The following REV3L variants were observed in gnomAD, a reference collection of about 807,000 sequenced individuals.
REV3L encodes the protein REV3 like, DNA directed polymerase zeta catalytic subunit.
REV3L carries 69 observed loss-of-function variants against 299.4 expected under a neutral mutation model. That is an observed-to-expected ratio of 0.23 (90% CI 0.19 to 0.28). The LOEUF (loss-of-function observed/expected upper bound fraction) is 0.28, where lower values mean the gene tolerates loss of function less well. REV3L is among the 10% of genes least tolerant of loss of function. The pLI is 1.00. For missense variants in REV3L, 3,128 were observed against 3,693.8 expected (o/e 0.85, Z 3.97); for synonymous variants, 1,238 against 1,271.4 (o/e 0.97, Z 0.56).
intron 1 of REV3L, among the ~76,000 whole-genome samples, chr6:111,426,513 G>C (rs1326407493): frequency 6.6e-6 from 1 of 152,100 alleles, no homozygotes; most frequent in East Asian, 1.9e-4. Flanking sequence ...CTTTGGTGAT[G>C]ACCCTGAGCA....
At chr6:111,474,988 T>TACACACAC (rs36213449) in intron 1 of REV3L, among the ~76,000 whole-genome samples, 122 of 145,936 alleles carry the variant, frequency 8.4e-4, no homozygotes, top group African/African-American at 1.6e-3. Context: ...TGCCTATATA[T>TACACACAC]ACACACACAC....
intron 1 of REV3L, among the ~76,000 whole-genome samples, chr6:111,422,235 G>A (rs1306842654): frequency 2.6e-5 from 4 of 152,062 alleles, no homozygotes; most frequent in Non-Finnish European, 5.9e-5. Flanking sequence ...TGGCTCTGTA[G>A]CAAATCCTGC....
intron 1 of REV3L, among the ~76,000 whole-genome samples, chr6:111,419,938 G>A (rs1253731470): frequency 1.3e-5 from 2 of 151,750 alleles, no homozygotes; most frequent in South Asian, 2.1e-4. Flanking sequence ...TCCACCTCCC[G>A]GGCTCACGCC....
At chr6:111,471,403 T>A (rs576051494) in intron 1 of REV3L, among the ~76,000 whole-genome samples, 1 of 152,188 alleles carries the variant, frequency 6.6e-6, no homozygotes, top group Non-Finnish European at 1.5e-5. Flanking sequence ...ATGTAAAAAA[T>A]CTCATACCAC....
At chr6:111,483,629 G>A, upstream of REV3L, 1 of 438,918 alleles carries the variant, frequency 2.3e-6, no homozygotes, top group South Asian at 1.6e-5. Flanking sequence ...ATCCAGCAGA[G>A]GAGGCGGGGG....
chr6:111,300,157 C>G lies in REV3L; in HGVS notation c.9253-1G>C, dbSNP rs1771318429. The G allele has an allele frequency of 6.4e-7, 1 of 1,568,474 alleles. No homozygotes were observed. The highest frequency in any genetic ancestry group is 8.6e-7 in the Non-Finnish European group (1 of 1,162,386). ...AGCAACCTGTACAGTTCTTGCATAT[C>G]TGAAAGCATAAGAGAAATACAAAAA... On this transcript the variant is annotated splice_acceptor_variant, in intron 31 of 31. Transcript: ENST00000368802. LOFTEE classifies it high-confidence loss of function.
At chr6:111,413,723 G>C (rs998893097) in intron 2 of REV3L, among the ~76,000 whole-genome samples, 1 of 151,918 alleles carries the variant, frequency 6.6e-6, no homozygotes, top group African/African-American at 2.4e-5. Context: ...AAAGAAAACT[G>C]CAATGAAAAA....
chr6:111,453,854 C>T (rs1431530157), intron 1 of REV3L, among the ~76,000 whole-genome samples: 2 of 152,078 alleles, frequency 1.3e-5, no homozygotes, highest in African/African-American at 4.8e-5. Flanking sequence ...GGCGTGGTGG[C>T]GCATGCCTGT....
chr6:111,482,826 A>G lies in REV3L; in HGVS notation c.63T>C (p.Asp21=). The change falls in exon 1 of 32, where the codon GAT becomes GAC. Residue 21 remains aspartate, a synonymous_variant. Transcript: ENST00000368802. ...CCTGGGTGAGGGGGGATTGGCAGGT[A>G]TCCAGCCCCTGCAGCGGGCTGGCCA... The part of the protein sequence containing the change: ...YYMASPLQGL[D]TCQSPLTQAP... 1.3e-6 allele frequency: 2 copies of G among 1,504,786 alleles called. No individual in the cohort carries two copies. The highest frequency in any genetic ancestry group is 1.8e-6 in the Non-Finnish European group (2 of 1,132,938). 93.2% of individuals were successfully genotyped at this position (1,504,786 alleles called of 1,614,324 possible).
In REV3L at chr6:111,348,868, T is replaced by C. The variant is rs930399526; in HGVS notation, c.7419+350A>G. The C allele has an allele frequency of 1.4e-4, 22 of 157,362 alleles. 1 individual carries two copies. Among genetic ancestry groups the C allele is most frequent in the Admixed American group, 1.2e-3 (19 of 15,402 alleles). The allele number at this position is 157,362 out of a possible 1,614,324, so 9.7% of individuals were successfully genotyped here. A position where few individuals can be genotyped will look rare whatever the true frequency, so the allele number is the denominator to read the frequency against. ...CAGGGTTTTGCCATGTTGCTCAGGC[T>C]GGTCTGGAACTCCTGGGCTCAAGGG... On this transcript the variant is annotated intron_variant, in intron 20 of 31. Coordinates refer to ENST00000368802, the MANE Select transcript of REV3L (RefSeq NM_001372078.1).
intron 17 of REV3L, 147 bp from the exon 18 acceptor site, chr6:111,357,272 ATAAC>A (rs1303764674): frequency 5.2e-5 from 17 of 328,080 alleles, no homozygotes; most frequent in Admixed American, 2.9e-4. Flanking sequence ...AAGTGAAAAC[ATAAC>A]TAACTCAATG....
At position 111,299,314 on chromosome 6, in the gene REV3L, T is replaced by TG. The variant is rs1405931194; in HGVS notation, c.*701dup. 1 of 152,542 alleles carries TG rather than the reference T, an allele frequency of 6.6e-6. No individual in the cohort carries two copies. Among genetic ancestry groups the TG allele is most frequent in the African/African-American group, 2.4e-5 (1 of 41,458 alleles). The allele number at this position is 152,542 out of a possible 1,614,324, so 9.4% of individuals were successfully genotyped here. On this transcript the variant is annotated 3_prime_UTR_variant, in exon 32 of 32. Coordinates refer to ENST00000368802, the MANE Select transcript of REV3L (RefSeq NM_001372078.1). ...ATAAAATTTTTTATTTTTAAAGTAT[T>TG]GCAACAGGCCCACAGGTTTGTAACA...
Position 111,375,267 on chromosome 6 carries a change from A to G in REV3L, c.3088T>C (p.Ser1030Pro). ...LKDFWPKVPD[S>P]PATKYPIYPL... ...TAAATGGGATATTTGGTTGCAGGGGAGTCGGGAACTTTTGGCCAAAAGTCC... is the reference window on the plus strand; with the variant it reads ...TAAATGGGATATTTGGTTGCAGGGGGGTCGGGAACTTTTGGCCAAAAGTCC... Residue 1030 changes from serine (S) to proline (P), a missense_variant, in exon 13 of 32, where the codon TCC becomes CCC. Around this residue, in one of 9 missense-constraint regions of REV3L, gnomAD observed 2,409 missense variants for 2,611.8 expected, o/e 0.92. Coordinates refer to ENST00000368802, the MANE Select transcript of REV3L (RefSeq NM_001372078.1). 1 of 1,607,904 alleles carries G rather than the reference A, an allele frequency of 6.2e-7. No homozygotes were observed. Among genetic ancestry groups the G allele is most frequent in the Non-Finnish European group, 8.5e-7 (1 of 1,178,788 alleles).
At chr6:111,354,742 AT>A (rs1257306441) in intron 18 of REV3L, among the ~76,000 whole-genome samples, 1 of 152,214 alleles carries the variant, frequency 6.6e-6, no homozygotes, top group East Asian at 1.9e-4. Flanking sequence ...TACAGAAAGA[AT>A]AAAGTTGGGT....
rs747438931 is a variant in REV3L, at chr6:111,375,295, C to T, written c.3060G>A (p.Leu1020=). 8.4e-5 allele frequency: 134 copies of T among 1,598,814 alleles called. No individual in the cohort carries two copies. The highest frequency in any genetic ancestry group is 1.7e-4 in the Middle Eastern group (1 of 6,002). The change falls in exon 13 of 32, where the codon TTG becomes TTA. Residue 1020 remains leucine, a synonymous_variant. Transcript: ENST00000368802. ...CGGGAACTTTTGGCCAAAAGTCCTT[C>T]AAAGGTGCAAGCTTTTTATATAGTT... is the stretch of plus-strand genomic sequence containing the variant. ...KMELYKKLAP[L]KDFWPKVPDS... is the part of the protein sequence containing the mutation.
chr6:111,379,016 C>G (rs1176327352), intron 11 of REV3L, among the ~76,000 whole-genome samples: 1 of 152,138 alleles, frequency 6.6e-6, no homozygotes, highest in Admixed American at 6.5e-5. Flanking sequence ...TTCTACTATT[C>G]AATCTCTCTC....
intron 7 of REV3L, 124 bp from the exon 8 acceptor site, chr6:111,388,209 AC>A: frequency 1.6e-6 from 1 of 632,504 alleles, no homozygotes; most frequent in Non-Finnish European, 2.7e-6. Flanking sequence ...ACATAATACA[AC>A]CTAACTGTAG....
chr6:111,409,584 C>T (rs1784031836), intron 3 of REV3L, among the ~76,000 whole-genome samples: 1 of 152,068 alleles, frequency 6.6e-6, no homozygotes, highest in South Asian at 2.1e-4. Flanking sequence ...TCAGAAATCC[C>T]CACTTCACAC....
intron 22 of REV3L, among the ~76,000 whole-genome samples, chr6:111,333,995 A>G (rs1039719325): frequency 6.6e-6 from 1 of 151,904 alleles, no homozygotes; most frequent in Admixed American, 6.6e-5. Flanking sequence ...CTAGAGTGCA[A>G]TGGCAAAATC....
Sources: gnomAD v4.1 joint callset for allele counts (sites outside exome capture counted in the v4.1 genomes callset) on GRCh38, gnomAD v4.1.1 for gene constraint, gnomAD v4.1.1 regional missense constraint, MANE v1.5 for transcripts, NCBI Gene and HGNC (gene_info 2026-07-23, HGNC 2026-07-21) for gene names.